Variants in CLEC16A observed in about 807,000 individuals in gnomAD.
The protein encoded by CLEC16A is protein CLEC16A.
In CLEC16A, 51 loss-of-function variants were observed where a neutral mutation model predicts 109.5. The observed-to-expected ratio is 0.47, with a 90% confidence interval of 0.37 to 0.59. CLEC16A has a LOEUF of 0.59. CLEC16A is among the 20% of genes least tolerant of loss of function. The pLI is 0.00. For missense variants in CLEC16A, 1,339 were observed against 1,394.0 expected (o/e 0.96, Z 0.63); for synonymous variants, 673 against 564.2 (o/e 1.19, Z -2.73).
chr16:11,007,806 T>G (rs1025749309), intron 11 of CLEC16A, among the ~76,000 whole-genome samples: 16 of 151,828 alleles, frequency 1.1e-4, no homozygotes, highest in African/African-American at 3.9e-4. Context: ...GTGAGTGTGT[T>G]TGTATGTATG....
chr16:11,009,041 A>G (rs956170656), intron 11 of CLEC16A, among the ~76,000 whole-genome samples: 10 of 152,150 alleles, frequency 6.6e-5, no homozygotes, highest in African/African-American at 1.2e-4. Context: ...AACCATCACC[A>G]CCATCTGTCT....
intron 22 of CLEC16A, among the ~76,000 whole-genome samples, chr16:11,150,594 C>T (rs144415864): frequency 1.3e-5 from 2 of 152,366 alleles, no homozygotes; most frequent in East Asian, 3.9e-4. Flanking sequence ...GCCATCATGT[C>T]AGAAGCACTT....
chr16:11,036,544 CTTTTTTTTTTTTT>C (rs71404440), intron 13 of CLEC16A, among the ~76,000 whole-genome samples: 7 of 131,940 alleles, frequency 5.3e-5, no homozygotes, highest in African/African-American at 1.8e-4. Flanking sequence ...TCTAATTTTC[CTTTTTTTTTTTTT>C]TTTTTTTTTG....
chr16:11,089,165 T>G (rs1010450726), intron 19 of CLEC16A, among the ~76,000 whole-genome samples: 5 of 152,184 alleles, frequency 3.3e-5, no homozygotes, highest in Non-Finnish European at 7.4e-5. Flanking sequence ...GCCACAGGCC[T>G]GGCACTTAGT....
chr16:11,082,271 A>G (rs1438892507), intron 19 of CLEC16A, among the ~76,000 whole-genome samples: 2 of 152,340 alleles, frequency 1.3e-5, no homozygotes, highest in East Asian at 1.9e-4. Flanking sequence ...ACAAGTGCAG[A>G]TCTGCTCGTG....
At chr16:11,126,205 T>C in intron 22 of CLEC16A, 59 bp downstream of exon 22, 1 of 1,605,206 alleles carries the variant, frequency 6.2e-7, no homozygotes, top group East Asian at 2.2e-5. Flanking sequence ...GTTCAAGGTC[T>C]TTCTCTCTGT....
chr16:11,067,357 GT>G (rs34069391), intron 19 of CLEC16A, among the ~76,000 whole-genome samples: 115,948 of 151,720 alleles, frequency 0.76, 44,731 homozygotes, highest in East Asian at 0.89. Flanking sequence ...AGGTGACGGG[GT>G]TTAACCTGGC....
At chr16:10,979,483 G>GT in intron 9 of CLEC16A, 101 bp downstream of exon 9, 1 of 1,025,320 alleles carries the variant, frequency 9.8e-7, no homozygotes, top group Non-Finnish European at 1.5e-6. Context: ...CATCTTCTCT[G>GT]TCCCCCCCAT....
At position 11,039,762 on chromosome 16, in the gene CLEC16A, C is replaced by G. The variant is rs1468902338; in HGVS notation, c.1546C>G (p.Pro516Ala). The change falls in exon 14 of 24, where the codon CCT becomes GCT. Residue 516 changes from proline to alanine, a missense_variant. Around this residue, in one of 3 missense-constraint regions of CLEC16A, gnomAD observed 1,061 missense variants for 1,006.8 expected, o/e 1.05. Transcript: ENST00000409790. Reference sequence around the variant, plus strand: ...CTTCTCCTCTGTTCCAGGCATGGATCCTGAAAAATTAGAGCGAATCCAGCT... The same window carrying G: ...CTTCTCCTCTGTTCCAGGCATGGATGCTGAAAAATTAGAGCGAATCCAGCT... ...YAMSHNKGMD[P>A]EKLERIQLPV... 1.9e-6 allele frequency: 3 copies of G among 1,600,382 alleles called. No homozygotes were observed. The highest frequency in any genetic ancestry group is 2.6e-6 in the Non-Finnish European group (3 of 1,173,532).
intron 1 of CLEC16A, among the ~76,000 whole-genome samples, chr16:10,946,910 C>G (rs1243895295): frequency 1.3e-5 from 2 of 152,210 alleles, no homozygotes. Flanking sequence ...GGATTTGACT[C>G]CCGAGCTTGT....
At chr16:11,141,112 T>C (rs1277041754) in intron 22 of CLEC16A, among the ~76,000 whole-genome samples, 1 of 152,254 alleles carries the variant, frequency 6.6e-6, no homozygotes, top group East Asian at 1.9e-4. Context: ...TTCATGGCCC[T>C]GGCTGGAGTC....
intron 10 of CLEC16A, among the ~76,000 whole-genome samples, chr16:10,993,158 G>T (rs956065492): frequency 6.6e-6 from 1 of 152,108 alleles, no homozygotes; most frequent in Non-Finnish European, 1.5e-5. Context: ...TTGGGAGGCC[G>T]GTGTGGGCAG....
chr16:11,042,010 C>G (rs772254893), intron 14 of CLEC16A: 1 of 480,786 alleles, frequency 2.1e-6, no homozygotes, highest in Non-Finnish European at 3.7e-6. Flanking sequence ...TTCCTGCACC[C>G]TGTCAGTAAA....
rs567277546 is a variant in CLEC16A at position 11,121,055 on chromosome 16, G to A, written c.2268+289G>A. ...TTTCCAGATCTGTTTTTCTGCCAAA[G>A]GCATATATAAATGTAACTACATGTA... On this transcript the variant is annotated intron_variant, in intron 20 of 23. Transcript: ENST00000409790. Among the ~76,000 whole-genome samples the A allele has an allele frequency of 2.3e-4, 35 of 152,218 alleles. No homozygotes were observed. In the South Asian group the frequency reaches 5.0e-3, roughly 22 times the overall value.
chr16:10,948,973 C>T (rs1412752728), intron 1 of CLEC16A, among the ~76,000 whole-genome samples: 1 of 152,234 alleles, frequency 6.6e-6, no homozygotes, highest in Non-Finnish European at 1.5e-5. Context: ...CACCCCTGAA[C>T]TGTCACTCTG....
chr16:11,051,312 G>T (rs1016565371), intron 17 of CLEC16A, among the ~76,000 whole-genome samples: 1 of 152,328 alleles, frequency 6.6e-6, no homozygotes, highest in African/African-American at 2.4e-5. Flanking sequence ...GGAAAAATCT[G>T]CAATTTAGAA....
At chr16:11,006,441 C>G (rs2045016360) in intron 11 of CLEC16A, among the ~76,000 whole-genome samples, 2 of 152,222 alleles carry the variant, frequency 1.3e-5, no homozygotes, top group South Asian at 4.1e-4. Flanking sequence ...TTGAGATAGA[C>G]ATGCGGCTCT....
chr16:11,093,043 T>C (rs1013869943), intron 19 of CLEC16A, among the ~76,000 whole-genome samples: 1 of 152,140 alleles, frequency 6.6e-6, no homozygotes, highest in Non-Finnish European at 1.5e-5. Flanking sequence ...GGGCAATCTG[T>C]CCAGACCCAT....
chr16:11,061,010 G>A lies in CLEC16A; in HGVS notation c.2104G>A (p.Val702Ile). 1 of 1,608,554 alleles carries A rather than the reference G, an allele frequency of 6.2e-7. No individual in the cohort carries two copies. Among genetic ancestry groups the A allele is most frequent in the Non-Finnish European group, 8.5e-7 (1 of 1,178,250 alleles). Residue 702 changes from valine to isoleucine, a missense_variant, in exon 19 of 24, where the codon GTC becomes ATC. By Grantham distance (29) the Val-to-Ile change is conservative (BLOSUM62 3). This residue lies in a region of CLEC16A where 1,061 missense variants were observed against 1,006.8 expected (regional missense o/e 1.05). Coordinates refer to ENST00000409790, the MANE Select transcript of CLEC16A (RefSeq NM_015226.3). ...GGAGGACCTGATCAAGACTGATGAT[G>A]TCCTGGATCTGAGTGAGTTGGCTGC... ...REEDLIKTDD[V>I]LDLNNSDLIA...
Sources: gnomAD v4.1 joint callset for allele counts (sites outside exome capture counted in the v4.1 genomes callset) on GRCh38, gnomAD v4.1.1 for gene constraint, gnomAD v4.1.1 regional missense constraint, MANE v1.5 for transcripts, NCBI Gene and HGNC (gene_info 2026-07-23, HGNC 2026-07-21) for gene names.